Variants in ELMO1 observed in about 807,000 individuals in gnomAD.
ELMO1 encodes engulfment and cell motility 1.
Under a neutral mutation model 98.9 loss-of-function variants are expected in ELMO1, and 26 were observed. The ratio of observed to expected loss-of-function variants is 0.26; its 90% CI spans 0.19 to 0.36. The LOEUF (loss-of-function observed/expected upper bound fraction) is 0.36. Ranked by LOEUF, ELMO1 falls within the 10% of genes least tolerant of loss-of-function variation. The probability of loss-of-function intolerance (pLI) is 1.00; values close to 1 mark genes in which losing one functional copy is unlikely to be tolerated. For synonymous variants in ELMO1, 346 were observed against 346.0 expected, an observed-to-expected ratio of 1.00 and a Z score of 0.00; for missense variants, 627 against 935.2, an observed-to-expected ratio of 0.67 and a Z score of 4.30.
intron 16 of ELMO1, among the ~76,000 whole-genome samples, chr7:36,914,417 G>C (rs1490843405): frequency 1.3e-5 from 2 of 152,108 alleles, no homozygotes; most frequent in Non-Finnish European, 2.9e-5. Context: ...ATGAAATAGA[G>C]ATGATAAAAT....
intron 18 of ELMO1, among the ~76,000 whole-genome samples, chr7:36,883,957 A>G (rs1432943522): frequency 6.6e-6 from 1 of 152,168 alleles, no homozygotes; most frequent in East Asian, 1.9e-4. Flanking sequence ...GTCAACATGT[A>G]TAAGCTTGGG....
chr7:37,342,698 C>A lies in ELMO1; in HGVS notation c.-8G>T, dbSNP rs755696976. 3 of 1,607,712 alleles carry A rather than the reference C, an allele frequency of 1.9e-6. No individual in the cohort carries two copies. In the East Asian group the frequency reaches 6.7e-5, roughly 36 times the overall value. ...GTCCGCGGGTGGCGGCATTGTAAGT[C>A]CCCAAAATGTTCAAAGCCAGTGGGA... On this transcript the variant is annotated 5_prime_UTR_variant, in exon 2 of 22. Coordinates refer to ENST00000310758, the MANE Select transcript of ELMO1 (RefSeq NM_014800.11). The surrounding 1 kb of genome is among the most constrained non-coding windows in gnomAD (Gnocchi z 4.3).
Position 37,193,270 on chromosome 7 carries a change from C to T in ELMO1, c.1086+18116G>A, listed in dbSNP as rs376136062. On this transcript the variant is annotated intron_variant, in intron 13 of 21. Coordinates refer to ENST00000310758, the MANE Select transcript of ELMO1 (RefSeq NM_014800.11). The stretch of plus-strand genomic sequence containing the variant: ...CAAAGAGGCCAAGCTGACTCAAAAC[C>T]CCTGTACCAGGTGGGGCTACGCAGC... 7.9e-5 allele frequency among the ~76,000 whole-genome samples: 12 copies of T among 152,180 alleles called. No individual in the cohort carries two copies. The East Asian group carries it at 2.3e-3, about 29-fold the overall frequency.
intron 1 of ELMO1, chr7:37,429,160 G>A (rs1223222476): frequency 6.6e-6 from 1 of 152,136 alleles, no homozygotes; most frequent in Non-Finnish European, 1.5e-5. Context: ...GATCCAACTT[G>A]TCTTCTTTCC....
intron 16 of ELMO1, among the ~76,000 whole-genome samples, chr7:36,939,069 G>A (rs1386037452): frequency 6.6e-6 from 1 of 151,624 alleles, no homozygotes; most frequent in African/African-American, 2.4e-5. Context: ...AAAAAAAAAT[G>A]AACATGTATT....
intron 13 of ELMO1, among the ~76,000 whole-genome samples, chr7:37,156,833 C>A (rs1788802949): frequency 6.6e-6 from 1 of 152,168 alleles, no homozygotes; most frequent in African/African-American, 2.4e-5. Flanking sequence ...CAGCATCATC[C>A]TGACACCAAA....
In ELMO1 at chr7:36,893,028, A is replaced by G. The variant is rs536287767; in HGVS notation, c.1601+1826T>C. The stretch of plus-strand genomic sequence containing the variant: ...GAAGATATAAAGCCAAAATAGGAGT[A>G]AAATGTTCGTACTTGCCATGAAGTT... On this transcript the variant is annotated intron_variant, in intron 17 of 21. Coordinates refer to ENST00000310758, the MANE Select transcript of ELMO1 (RefSeq NM_014800.11). Among the ~76,000 whole-genome samples, 3 of 152,366 alleles carry G rather than the reference A, an allele frequency of 2.0e-5. No homozygotes were observed. The South Asian group carries it at 6.2e-4, about 32-fold the overall frequency.
intron 14 of ELMO1, among the ~76,000 whole-genome samples, chr7:37,101,647 G>A (rs921910739): frequency 2.6e-5 from 4 of 151,994 alleles, no homozygotes; most frequent in African/African-American, 4.8e-5. Context: ...ACCTTCCACC[G>A]AGCACATTCC....
At chr7:37,298,222 A>AG (rs1798148510) in intron 4 of ELMO1, among the ~76,000 whole-genome samples, 1 of 150,454 alleles carries the variant, frequency 6.6e-6, no homozygotes, top group African/African-American at 2.4e-5. Context: ...GCTACAAGAG[A>AG]GGGGGGACCT....
chr7:36,921,286 AGGCCCACTGGACCAAAT>A (rs1785134517), intron 16 of ELMO1, among the ~76,000 whole-genome samples: 1 of 152,216 alleles, frequency 6.6e-6, no homozygotes, highest in Non-Finnish European at 1.5e-5. Context: ...AAGAGCGGGC[AGGCCCACTGGACCAAAT>A]CTTCTGCCTT....
Position 36,887,669 on chromosome 7 carries a change from T to C in ELMO1, c.1605A>G (p.Glu535=). The change falls in exon 18 of 22, where the codon GAA becomes GAG. Residue 535 remains glutamate, a synonymous_variant. Coordinates refer to ENST00000310758, the MANE Select transcript of ELMO1 (RefSeq NM_014800.11). ...QEDFQSRPIL[E]LKEKIQPEIL... is the part of the protein sequence containing the mutation. The stretch of plus-strand genomic sequence containing the variant: ...TTTCTGGCTGAATCTTCTCCTTTAG[T>C]TCCCTGTTAGAGGAAAAACACATAT... The C allele has an allele frequency of 2.5e-6, 4 of 1,613,968 alleles. No individual in the cohort carries two copies. Among genetic ancestry groups the C allele is most frequent in the Non-Finnish European group, 2.5e-6 (3 of 1,179,862 alleles).
chr7:36,863,225 C>A (rs1423082296), intron 20 of ELMO1, among the ~76,000 whole-genome samples: 2 of 152,174 alleles, frequency 1.3e-5, no homozygotes, highest in Admixed American at 6.5e-5. Context: ...TGCAAAAATG[C>A]TCTCCTCATT....
intron 1 of ELMO1, among the ~76,000 whole-genome samples, chr7:37,358,496 T>C (rs1801579729): frequency 1.3e-5 from 2 of 152,110 alleles, no homozygotes; most frequent in Admixed American, 1.3e-4. Context: ...AAATACCAGA[T>C]ATTATAAACC....
intron 15 of ELMO1, among the ~76,000 whole-genome samples, chr7:37,060,752 T>C (rs766138244): frequency 4.6e-5 from 7 of 152,214 alleles, no homozygotes; most frequent in Non-Finnish European, 7.3e-5. Context: ...TATTAGGTCA[T>C]TGGCTTTTTC....
chr7:37,072,108 A>C (rs956240265), intron 15 of ELMO1, among the ~76,000 whole-genome samples: 1 of 152,204 alleles, frequency 6.6e-6, no homozygotes, highest in African/African-American at 2.4e-5. Context: ...ACTACTCTAT[A>C]GGCTTTCGGC....
At chr7:37,003,381 A>G (rs951923313) in intron 16 of ELMO1, among the ~76,000 whole-genome samples, 9 of 152,158 alleles carry the variant, frequency 5.9e-5, no homozygotes. Context: ...AAAGAAAAGA[A>G]AAGAGAAAAG....
At chr7:37,295,355 A>AT (rs765364485) in intron 4 of ELMO1, among the ~76,000 whole-genome samples, 167 of 152,290 alleles carry the variant, frequency 1.1e-3, no homozygotes, top group Non-Finnish European at 1.6e-3. Flanking sequence ...CAGTTATATC[A>AT]TTTTTTGTAG....
At chr7:36,896,937 A>C (rs542101980) in intron 16 of ELMO1, among the ~76,000 whole-genome samples, 93 of 152,182 alleles carry the variant, frequency 6.1e-4, no homozygotes, top group Non-Finnish European at 1.2e-3. Flanking sequence ...ATGGTGAGAG[A>C]CAAAGATATA....
intron 16 of ELMO1, among the ~76,000 whole-genome samples, chr7:36,956,058 C>T (rs933608762): frequency 2.0e-5 from 3 of 152,194 alleles, no homozygotes; most frequent in Non-Finnish European, 4.4e-5. Flanking sequence ...TGTCGTGATG[C>T]AAAGTAGGTG....
Sources: gnomAD v4.1 joint callset for allele counts (sites outside exome capture counted in the v4.1 genomes callset) on GRCh38, gnomAD v4.1.1 for gene constraint, Gnocchi (gnomAD v3.1) non-coding constraint, MANE v1.5 for transcripts, NCBI Gene and HGNC (gene_info 2026-07-23, HGNC 2026-07-21) for gene names.